Variants in PTPRN2 observed in about 807,000 individuals in gnomAD.
PTPRN2 encodes protein tyrosine phosphatase receptor type N2.
Under a neutral mutation model 118.8 loss-of-function variants are expected in PTPRN2, and 74 were observed. The ratio of observed to expected loss-of-function variants is 0.62; its 90% CI spans 0.52 to 0.76. PTPRN2 has a LOEUF of 0.76. Ranked by LOEUF, PTPRN2 falls within the 30% of genes least tolerant of loss-of-function variation. The pLI is 0.00. For synonymous variants in PTPRN2, 641 were observed against 608.0 expected (o/e 1.05, Z -0.80); for missense variants, 1,481 against 1,394.4 (o/e 1.06, Z -0.99).
chr7:157,899,080 C>T (rs996565016), intron 11 of PTPRN2, among the ~76,000 whole-genome samples: 5 of 152,174 alleles, frequency 3.3e-5, no homozygotes, highest in African/African-American at 9.7e-5. Context: ...ATTACGTAAT[C>T]GTTTCTAGCT....
intron 3 of PTPRN2, among the ~76,000 whole-genome samples, chr7:158,271,737 G>C (rs1347856781): frequency 6.6e-6 from 1 of 152,104 alleles, no homozygotes; most frequent in Non-Finnish European, 1.5e-5. Flanking sequence ...GTGTCGGTGA[G>C]CGCCCACTTT....
At chr7:158,287,920 C>A (rs1304678986) in intron 3 of PTPRN2, among the ~76,000 whole-genome samples, 3 of 151,920 alleles carry the variant, frequency 2.0e-5, no homozygotes, top group Admixed American at 2.0e-4. Context: ...TATTGAAGTC[C>A]CCTACTGCTA....
At chr7:157,805,215 A>G (rs1166376017) in intron 12 of PTPRN2, among the ~76,000 whole-genome samples, 2 of 152,140 alleles carry the variant, frequency 1.3e-5, no homozygotes, top group Non-Finnish European at 2.9e-5. Flanking sequence ...AGTGCTTCTT[A>G]TACTGTGCAT....
intron 11 of PTPRN2, among the ~76,000 whole-genome samples, chr7:157,919,875 C>T (rs763201715): frequency 1.7e-4 from 26 of 152,214 alleles, no homozygotes; most frequent in Non-Finnish European, 2.2e-4. Context: ...CACCTTGCGA[C>T]GTCACAGCCA....
At chr7:158,582,875 T>C (rs929502195) in intron 1 of PTPRN2, among the ~76,000 whole-genome samples, 2 of 151,520 alleles carry the variant, frequency 1.3e-5, no homozygotes, top group Non-Finnish European at 2.9e-5. Flanking sequence ...TAGATATCTG[T>C]CACCCAATGC....
At chr7:158,077,532 AGGGTC>A in intron 11 of PTPRN2, among the ~76,000 whole-genome samples, 1 of 25,646 alleles carries the variant, frequency 3.9e-5, no homozygotes, top group Non-Finnish European at 9.1e-5. Flanking sequence ...CCCACCATTC[AGGGTC>A]AGCACAGGAG....
intron 11 of PTPRN2, among the ~76,000 whole-genome samples, chr7:158,072,129 C>CGTGGTGGTGGAGGTGCTCGTAGT: frequency 6.8e-6 from 1 of 147,684 alleles, no homozygotes; most frequent in Admixed American, 6.7e-5. Flanking sequence ...TGGAGGTGCT[C>CGTGGTGGTGGAGGTGCTCGTAGT]ATGTAGGATC....
At chr7:157,803,868 G>A (rs1016550766) in intron 12 of PTPRN2, among the ~76,000 whole-genome samples, 18 of 151,962 alleles carry the variant, frequency 1.2e-4, no homozygotes, top group African/African-American at 4.3e-4. Flanking sequence ...TTTTTGTGGA[G>A]CTCTGGGCAG....
At chr7:157,798,156 G>C (rs181618646) in intron 12 of PTPRN2, among the ~76,000 whole-genome samples, 101 of 152,366 alleles carry the variant, frequency 6.6e-4, no homozygotes, top group African/African-American at 2.3e-3. Flanking sequence ...CTGCTCGGGA[G>C]ACTGAGGCAG....
At chr7:157,841,522 C>T (rs1054065821) in intron 12 of PTPRN2, among the ~76,000 whole-genome samples, 1 of 152,160 alleles carries the variant, frequency 6.6e-6, no homozygotes, top group Non-Finnish European at 1.5e-5. Context: ...CTAAATTAGT[C>T]TTAAACACAC....
intron 3 of PTPRN2, among the ~76,000 whole-genome samples, chr7:158,301,302 C>T (rs1230526401): frequency 6.2e-4 from 94 of 152,308 alleles, no homozygotes; most frequent in Admixed American, 5.9e-3. Context: ...TGTCCCGAGG[C>T]TCTGTGTTAA....
intron 11 of PTPRN2, among the ~76,000 whole-genome samples, chr7:158,068,495 G>A (rs948083677): frequency 3.9e-5 from 6 of 152,212 alleles, no homozygotes; most frequent in African/African-American, 7.2e-5. Flanking sequence ...CGGAGGCCGC[G>A]TCCTCAGGGA....
rs1242694436 is a variant in PTPRN2 at position 157,964,950 on chromosome 7, T to G, written c.1724-66213A>C. 3.3e-5 allele frequency among the ~76,000 whole-genome samples: 5 copies of G among 152,038 alleles called. No homozygotes were observed. The highest frequency in any genetic ancestry group is 1.2e-4 in the African/African-American group (5 of 41,380). On this transcript the variant is annotated intron_variant, in intron 11 of 22. Coordinates refer to ENST00000389418, the MANE Select transcript of PTPRN2 (RefSeq NM_002847.5). The surrounding 1 kb of genome is among the most constrained non-coding windows in gnomAD (Gnocchi z 9.0). The stretch of plus-strand genomic sequence containing the variant: ...TATGTTCAACAGAGACCTTTGGGAG[T>G]GAGTGTCAGTGCCGTAGCGGAACAC...
chr7:158,586,902 G>A (rs1262739403), intron 1 of PTPRN2, among the ~76,000 whole-genome samples: 1 of 152,130 alleles, frequency 6.6e-6, no homozygotes, highest in Non-Finnish European at 1.5e-5. Flanking sequence ...AGTGCCGAGT[G>A]GCGGGGCTCG....
intron 12 of PTPRN2, among the ~76,000 whole-genome samples, chr7:157,687,197 C>T (rs558814101): frequency 2.6e-4 from 39 of 152,226 alleles, no homozygotes; most frequent in Middle Eastern, 6.8e-3. Context: ...GAGCCATTTA[C>T]GGGAAAATGC....
intron 12 of PTPRN2, among the ~76,000 whole-genome samples, chr7:157,748,367 G>GCA (rs1304487525): frequency 1.4e-5 from 2 of 147,852 alleles, no homozygotes; most frequent in Admixed American, 6.8e-5. Context: ...TCCCTGAGCT[G>GCA]TGAGCTGCCT....
chr7:158,550,026 G>C (rs1473599047), intron 1 of PTPRN2, among the ~76,000 whole-genome samples: 1 of 152,234 alleles, frequency 6.6e-6, no homozygotes, highest in Non-Finnish European at 1.5e-5. Flanking sequence ...GGCTGGGAGA[G>C]GTCGGCGTCA....
chr7:157,707,788 C>T (rs12531243), intron 12 of PTPRN2, among the ~76,000 whole-genome samples: 38,953 of 151,984 alleles, frequency 0.26, 5,486 homozygotes, highest in Non-Finnish European at 0.3. Flanking sequence ...TTAGTAGAGA[C>T]GGGGTTTCAC....
chr7:158,342,947 G>T (rs1409948710), intron 2 of PTPRN2, among the ~76,000 whole-genome samples: 3 of 152,150 alleles, frequency 2.0e-5, no homozygotes, highest in Non-Finnish European at 4.4e-5. Context: ...CAAGTGCTGG[G>T]TTCTTTTCAG....
Sources: gnomAD v4.1 joint callset for allele counts (sites outside exome capture counted in the v4.1 genomes callset) on GRCh38, gnomAD v4.1.1 for gene constraint, Gnocchi (gnomAD v3.1) non-coding constraint, MANE v1.5 for transcripts, NCBI Gene and HGNC (gene_info 2026-07-23, HGNC 2026-07-21) for gene names.